Variants in EYA4 observed in about 807,000 individuals in gnomAD.
EYA4 encodes protein phosphatase EYA4.
In EYA4, 31 loss-of-function variants were observed where a neutral mutation model predicts 87.9. That is an observed-to-expected ratio of 0.35 (90% CI 0.27 to 0.48). The LOEUF (loss-of-function observed/expected upper bound fraction) is 0.48, where lower values mean the gene tolerates loss of function less well. EYA4 is among the 20% of genes least tolerant of loss of function. The pLI, the probability that EYA4 is intolerant of heterozygous loss-of-function variation, is 0.99. For synonymous variants in EYA4, 263 were observed against 270.6 expected, an observed-to-expected ratio of 0.97 and a Z score of 0.28; for missense variants, 678 against 761.4, an observed-to-expected ratio of 0.89 and a Z score of 1.29.
At chr6:133,265,297 G>A (rs1383253509) in intron 1 of EYA4, among the ~76,000 whole-genome samples, 1 of 151,642 alleles carries the variant, frequency 6.6e-6, no homozygotes, top group Non-Finnish European at 1.5e-5. Context: ...GTTACTTTCA[G>A]TGGCAAAAAC....
intron 2 of EYA4, among the ~76,000 whole-genome samples, chr6:133,291,305 A>G (rs1333631978): frequency 1.3e-5 from 2 of 152,216 alleles, no homozygotes; most frequent in African/African-American, 2.4e-5. Flanking sequence ...AGTTATTTCC[A>G]AATTCCTAGG....
chr6:133,515,918 A>T (rs1309175435), intron 17 of EYA4, among the ~76,000 whole-genome samples: 1 of 152,198 alleles, frequency 6.6e-6, no homozygotes, highest in South Asian at 2.1e-4. Flanking sequence ...AGCAGGAGAA[A>T]GCTCTTGAAA....
At chr6:133,339,415 G>A (rs946910774) in intron 2 of EYA4, among the ~76,000 whole-genome samples, 1 of 152,200 alleles carries the variant, frequency 6.6e-6, no homozygotes, top group Non-Finnish European at 1.5e-5. Context: ...AGTTAGGTCA[G>A]ACTGTATGGA....
intron 5 of EYA4, among the ~76,000 whole-genome samples, chr6:133,449,377 T>C (rs1293762656): frequency 1.3e-5 from 2 of 152,256 alleles, no homozygotes; most frequent in Admixed American, 1.3e-4. Flanking sequence ...AAAAAAATGT[T>C]CTTAGCTTAC....
intron 2 of EYA4, among the ~76,000 whole-genome samples, chr6:133,295,169 A>G (rs1276732786): frequency 1.3e-5 from 2 of 152,178 alleles, no homozygotes; most frequent in Non-Finnish European, 2.9e-5. Flanking sequence ...TAATGTTTCA[A>G]AGGATGTCTG....
At chr6:133,371,785 G>A (rs1306666633) in intron 2 of EYA4, among the ~76,000 whole-genome samples, 2 of 152,154 alleles carry the variant, frequency 1.3e-5, no homozygotes, top group Non-Finnish European at 2.9e-5. Context: ...TAATGCAGCT[G>A]TTGAAGAAAT....
intron 3 of EYA4, among the ~76,000 whole-genome samples, chr6:133,393,036 G>T (rs941704846): frequency 2.0e-5 from 3 of 152,144 alleles, no homozygotes; most frequent in Non-Finnish European, 4.4e-5. Flanking sequence ...TGCATCACAG[G>T]GGTAATTAGA....
intron 2 of EYA4, among the ~76,000 whole-genome samples, chr6:133,382,087 G>A (rs1440211042): frequency 6.6e-6 from 1 of 152,176 alleles, no homozygotes; most frequent in African/African-American, 2.4e-5. Flanking sequence ...ATTGAGAACA[G>A]TATGCTTTCT....
intron 11 of EYA4, among the ~76,000 whole-genome samples, chr6:133,473,071 T>G (rs212778): frequency 0.76 from 115,229 of 151,866 alleles, 43,817 homozygotes; most frequent in Admixed American, 0.78. Context: ...TAAGAAAAAT[T>G]AGGTTAAGAA....
intron 2 of EYA4, among the ~76,000 whole-genome samples, chr6:133,285,760 G>T (rs1409782773): frequency 6.6e-6 from 1 of 152,220 alleles, no homozygotes; most frequent in African/African-American, 2.4e-5. Context: ...TTGCATTGGG[G>T]TTAATCTAAG....
chr6:133,487,928 A>G (rs996614482), intron 13 of EYA4, among the ~76,000 whole-genome samples: 1 of 152,130 alleles, frequency 6.6e-6, no homozygotes, highest in African/African-American at 2.4e-5. Context: ...CCAAGTCGGC[A>G]TGTGGGGTCC....
chr6:133,344,886 A>G (rs1783078192), intron 2 of EYA4, among the ~76,000 whole-genome samples: 1 of 152,132 alleles, frequency 6.6e-6, no homozygotes, highest in Non-Finnish European at 1.5e-5. Context: ...CCATATATCA[A>G]TATCATCAGA....
chr6:133,373,670 A>G (rs1025125581), intron 2 of EYA4, among the ~76,000 whole-genome samples: 8 of 152,076 alleles, frequency 5.3e-5, no homozygotes, highest in Non-Finnish European at 1.0e-4. Context: ...GCATTTATCC[A>G]TCTTTCTTGT....
At chr6:133,309,996 TAAAC>T (rs1780097565) in intron 2 of EYA4, among the ~76,000 whole-genome samples, 2 of 152,344 alleles carry the variant, frequency 1.3e-5, no homozygotes, top group African/African-American at 4.8e-5. Context: ...TAACAAGTCT[TAAAC>T]AGACAATCTT....
Position 133,416,422 on chromosome 6 carries a change from G to A in EYA4, c.84-30208G>A, listed in dbSNP as rs556630122. ...CCTCTTGCACATTTTTTTTCCTGAA[G>A]TCAATTAATAACTGTCTATATTGAT... On this transcript the variant is annotated intron_variant, in intron 3 of 19. Coordinates refer to ENST00000355286, the MANE Select transcript of EYA4 (RefSeq NM_004100.5). Among the ~76,000 whole-genome samples, 5 of 152,244 alleles carry A rather than the reference G, an allele frequency of 3.3e-5. No homozygotes were observed. The South Asian group carries it at 1.0e-3, about 32-fold the overall frequency.
intron 3 of EYA4, among the ~76,000 whole-genome samples, chr6:133,441,964 T>C (rs1792348429): frequency 6.6e-6 from 1 of 151,638 alleles, no homozygotes; most frequent in Non-Finnish European, 1.5e-5. Context: ...TATACATATA[T>C]GTATTGATCC....
chr6:133,321,355 G>T (rs1254101400), intron 2 of EYA4, among the ~76,000 whole-genome samples: 31 of 152,082 alleles, frequency 2.0e-4, no homozygotes, highest in African/African-American at 7.2e-4. Flanking sequence ...TTTATGTGCA[G>T]TCCCCTTTTC....
chr6:133,374,584 C>T (rs1174811228), intron 2 of EYA4, among the ~76,000 whole-genome samples: 1 of 151,966 alleles, frequency 6.6e-6, no homozygotes, highest in African/African-American at 2.4e-5. Context: ...AGGGTTATGG[C>T]AGGTTTTCTT....
At position 133,530,656 on chromosome 6, in the gene EYA4, A is replaced by G; in HGVS notation, c.*1851A>G. On this transcript the variant is annotated 3_prime_UTR_variant, in exon 20 of 20. Transcript: ENST00000355286. ...TCATTTCTTTAGGCTACAAACCTGT[A>G]TTTCTTTACTGAATGCTAAGGCCAT... 1 of 985,690 alleles carries G rather than the reference A, an allele frequency of 1.0e-6. No homozygotes were observed. The highest frequency in any genetic ancestry group is 1.2e-6 in the Non-Finnish European group (1 of 829,760). 61.1% of individuals were successfully genotyped at this position (985,690 alleles called of 1,614,324 possible). A position where few individuals can be genotyped will look rare whatever the true frequency, so the allele number is the denominator to read the frequency against.
Sources: gnomAD v4.1 joint callset for allele counts (sites outside exome capture counted in the v4.1 genomes callset) on GRCh38, gnomAD v4.1.1 for gene constraint, MANE v1.5 for transcripts, NCBI Gene and HGNC (gene_info 2026-07-23, HGNC 2026-07-21) for gene names.